Variants in TADA1 observed in about 807,000 individuals in gnomAD.
TADA1 encodes the protein transcriptional adapter 1.
TADA1 carries 23 observed loss-of-function variants against 39.3 expected under a neutral mutation model. That is an observed-to-expected ratio of 0.58 (90% CI 0.42 to 0.83). The LOEUF is 0.83. Among genes scored for constraint, TADA1 ranks in the 40% least tolerant of loss-of-function variants. The pLI is 0.00. For synonymous variants in TADA1, 137 were observed against 151.8 expected, an observed-to-expected ratio of 0.90 and a Z score of 0.72; for missense variants, 352 against 408.1, an observed-to-expected ratio of 0.86 and a Z score of 1.18.
intron 1 of TADA1, among the ~76,000 whole-genome samples, 153 bp downstream of exon 1, chr1:166,876,007 G>A (rs1044037265): frequency 6.6e-6 from 1 of 152,116 alleles, no homozygotes; most frequent in South Asian, 2.1e-4. Context: ...GGCCCGCCCC[G>A]CCCCGGCCGG....
chr1:166,874,113 C>T (rs577664869), intron 1 of TADA1, among the ~76,000 whole-genome samples: 250 of 151,844 alleles, frequency 1.6e-3, no homozygotes, highest in Non-Finnish European at 2.4e-3. Flanking sequence ...GAGGCCAAGG[C>T]GGGTGGCTCA....
rs1175982434 is a variant in TADA1, at chr1:166,856,751, T to G, written c.*816A>C. On this transcript the variant is annotated 3_prime_UTR_variant, in exon 8 of 8. Coordinates refer to ENST00000367874, the MANE Select transcript of TADA1 (RefSeq NM_053053.4). ...ATTTTCACTTCATCACTTGAAACGGTAGAAATAGGTACCTCCTAGAAACTG... is the reference window on the plus strand; with the variant it reads ...ATTTTCACTTCATCACTTGAAACGGGAGAAATAGGTACCTCCTAGAAACTG... 1 of 152,658 alleles carries G rather than the reference T, an allele frequency of 6.6e-6. No individual in the cohort carries two copies. Among genetic ancestry groups the G allele is most frequent in the Non-Finnish European group, 1.5e-5 (1 of 68,038 alleles). 9.5% of individuals were successfully genotyped at this position (152,658 alleles called of 1,614,324 possible). A position where few individuals can be genotyped will look rare whatever the true frequency, so the allele number is the denominator to read the frequency against.
At chr1:166,875,969 C>A (rs938440450) in intron 1 of TADA1, among the ~76,000 whole-genome samples, 191 bp downstream of exon 1, 2 of 152,196 alleles carry the variant, frequency 1.3e-5, no homozygotes, top group East Asian at 3.9e-4. Context: ...CCAGGAGGCC[C>A]GGTCTCTCCA....
intron 3 of TADA1, among the ~76,000 whole-genome samples, chr1:166,868,572 A>C (rs1381224349): frequency 1.3e-5 from 2 of 152,198 alleles, no homozygotes; most frequent in Admixed American, 1.3e-4. Context: ...AAGTAATCTA[A>C]AATGTAGCTG....
In TADA1 at chr1:166,869,776, G is replaced by A. The variant is rs748786511; in HGVS notation, c.153C>T (p.Leu51=). ...EEFDLEAHRL[L]TQDNVHSHND... is the part of the protein sequence containing the mutation. ...TAATTATTTTACCATTATCCTGTGT[G>A]AGAAGTCTATGAGCTTCAAGGTCAA... Residue 51 remains leucine (L), a synonymous_variant, in exon 2 of 8, where the codon CTC becomes CTT. Coordinates refer to ENST00000367874, the MANE Select transcript of TADA1 (RefSeq NM_053053.4). 10 of 1,612,954 alleles carry A rather than the reference G, an allele frequency of 6.2e-6. No individual in the cohort carries two copies. Among genetic ancestry groups the A allele is most frequent in the Non-Finnish European group, 8.5e-6 (10 of 1,179,192 alleles).
rs1658643736 is a variant in TADA1 at position 166,870,875 on chromosome 1, T to C, written c.75-1021A>G. On this transcript the variant is annotated intron_variant, in intron 1 of 7. Transcript: ENST00000367874. The stretch of plus-strand genomic sequence containing the variant: ...GCAGGTAGTCACAGAATTGGACTCA[T>C]GATTCACTTAGCCCAAAACTATTAT... Among the ~76,000 whole-genome samples, 3 of 152,202 alleles carry C rather than the reference T, an allele frequency of 2.0e-5. No homozygotes were observed. The South Asian group carries it at 6.2e-4, about 32-fold the overall frequency.
At chr1:166,874,071 G>A (rs1002114994) in intron 1 of TADA1, among the ~76,000 whole-genome samples, 11 of 151,774 alleles carry the variant, frequency 7.2e-5, no homozygotes, top group Non-Finnish European at 1.2e-4. Context: ...GGCTGGGCGC[G>A]GTGGCTCACG....
chr1:166,862,748 G>A (rs567734063), intron 4 of TADA1: 1 of 297,676 alleles, frequency 3.4e-6, no homozygotes, highest in Non-Finnish European at 6.3e-6. Context: ...ACAAATCAGA[G>A]CATTTTAAAT....
At chr1:166,865,576 G>A (rs1246979718) in intron 3 of TADA1, among the ~76,000 whole-genome samples, 3 of 152,086 alleles carry the variant, frequency 2.0e-5, no homozygotes, top group Non-Finnish European at 4.4e-5. Flanking sequence ...CACTTTGGGA[G>A]GCCGAGGCGG....
intron 7 of TADA1, 137 bp downstream of exon 7, chr1:166,857,982 A>G: frequency 2.6e-6 from 3 of 1,170,096 alleles, no homozygotes; most frequent in Non-Finnish European, 3.6e-6. Flanking sequence ...GCTAGTATTA[A>G]TAACGGCTTT....
intron 3 of TADA1, chr1:166,868,707 C>T (rs891380300): frequency 1.3e-5 from 2 of 152,734 alleles, no homozygotes; most frequent in Admixed American, 6.5e-5. Flanking sequence ...CGGGCTATCT[C>T]CTTGCTTGCC....
rs750551544 is a variant in TADA1 at position 166,857,642 on chromosome 1, T to C, written c.933A>G (p.Pro311=). 3 of 1,614,102 alleles carry C rather than the reference T, an allele frequency of 1.9e-6. No homozygotes were observed. The highest frequency in any genetic ancestry group is 2.7e-5 in the African/African-American group (2 of 74,942). The stretch of plus-strand genomic sequence containing the variant: ...TGTCTTGCTGCAGCTCTTCATGATT[T>C]GGATGCCAGAGTTTCGTGATGATCC... The part of the protein sequence containing the change: ...IERIITKLWH[P]NHEELQQDKV... Residue 311 remains proline (P), a synonymous_variant, in exon 8 of 8, where the codon CCA becomes CCG. Transcript: ENST00000367874.
chr1:166,860,466 C>A, intron 5 of TADA1, 129 bp from the exon 6 acceptor site: 2 of 853,446 alleles, frequency 2.3e-6, no homozygotes, highest in Non-Finnish European at 3.5e-6. Context: ...ATGCTAGAAC[C>A]AAATGAATGT....
At position 166,859,878 on chromosome 1, in the gene TADA1, C is replaced by T. The variant is rs534553062; in HGVS notation, c.692+308G>A. 1.4e-4 allele frequency among the ~76,000 whole-genome samples: 22 copies of T among 152,098 alleles called. No homozygotes were observed. In the East Asian group the frequency reaches 3.9e-3, roughly 27 times the overall value. The stretch of plus-strand genomic sequence containing the variant: ...CACTTCCCCACTGGGCAGGTGATGC[C>T]CCTCGGGAGCCCTCAGGATGCACCA... On this transcript the variant is annotated intron_variant, in intron 6 of 7. Transcript: ENST00000367874.
intron 1 of TADA1, among the ~76,000 whole-genome samples, chr1:166,872,184 C>T (rs1658674310): frequency 6.6e-6 from 1 of 152,216 alleles, no homozygotes; most frequent in Non-Finnish European, 1.5e-5. Context: ...ATTTAATCCT[C>T]AATGGTGGAG....
intron 1 of TADA1, 115 bp downstream of exon 1, chr1:166,876,045 A>T (rs1434333994): frequency 2.0e-6 from 2 of 997,776 alleles, no homozygotes; most frequent in Non-Finnish European, 2.8e-6. Flanking sequence ...GCCGCCGCGG[A>T]CTCCAGGCTG....
intron 1 of TADA1, among the ~76,000 whole-genome samples, chr1:166,874,553 A>G (rs1479123355): frequency 2.0e-5 from 3 of 152,296 alleles, no homozygotes; most frequent in Non-Finnish European, 4.4e-5. Context: ...TGGGAGGCCA[A>G]TGCGGGAGGA....
intron 3 of TADA1, chr1:166,868,779 C>G (rs1171900374): frequency 6.5e-6 from 1 of 152,898 alleles, no homozygotes; most frequent in Admixed American, 6.5e-5. Context: ...AGCAAACTGG[C>G]CTGCGGGGGA....
intron 3 of TADA1, among the ~76,000 whole-genome samples, chr1:166,864,716 C>T (rs1658490200): frequency 6.6e-6 from 1 of 152,180 alleles, no homozygotes; most frequent in Admixed American, 6.5e-5. Flanking sequence ...CCCTTCTGTG[C>T]AATGCAGGTC....
Sources: allele counts gnomAD v4.1 joint callset (sites outside exome capture counted in the v4.1 genomes callset), GRCh38; gene constraint gnomAD v4.1.1; transcripts MANE v1.5; gene names NCBI Gene and HGNC (gene_info 2026-07-23, HGNC 2026-07-21).